The following STK3 variants were observed in gnomAD, a reference collection of about 807,000 sequenced individuals.
STK3 encodes the protein serine/threonine kinase 3.
In STK3, 41 loss-of-function variants were observed where a neutral mutation model predicts 58.0. That is an observed-to-expected ratio of 0.71 (90% confidence interval 0.55 to 0.92). The LOEUF is 0.92. Ranked by LOEUF, STK3 falls within the 40% of genes least tolerant of loss-of-function variation. The pLI is 0.00. For missense variants in STK3, 479 were observed against 602.7 expected, an observed-to-expected ratio of 0.79 and a Z score of 2.15; for synonymous variants, 170 against 191.0, an observed-to-expected ratio of 0.89 and a Z score of 0.91.
intron 7 of STK3, among the ~76,000 whole-genome samples, chr8:98,590,713 G>A (rs544416581): frequency 3.3e-5 from 5 of 152,304 alleles, no homozygotes; most frequent in African/African-American, 1.2e-4. Context: ...AGAAACATGA[G>A]TTGGATTTTA....
chr8:98,873,042 T>A (rs1837437778), intron 3 of STK3, among the ~76,000 whole-genome samples: 1 of 152,228 alleles, frequency 6.6e-6, no homozygotes, highest in Non-Finnish European at 1.5e-5. Flanking sequence ...TGTTGTGTCT[T>A]TGTTCTTGTT....
intron 10 of STK3, among the ~76,000 whole-genome samples, chr8:98,466,372 A>T (rs1178273277): frequency 6.6e-6 from 1 of 152,226 alleles, no homozygotes; most frequent in Non-Finnish European, 1.5e-5. Context: ...TGCAAAGTCA[A>T]ATTTCCTTGA....
At chr8:98,378,593 A>G (rs545714741) in intron 2 of STK3, among the ~76,000 whole-genome samples, 12 of 152,226 alleles carry the variant, frequency 7.9e-5, no homozygotes, top group Non-Finnish European at 1.3e-4. Context: ...CACTTAACAT[A>G]CTGCCTGATA....
chr8:98,461,990 G>T (rs552846500), intron 10 of STK3, among the ~76,000 whole-genome samples: 11 of 151,446 alleles, frequency 7.3e-5, no homozygotes, highest in Admixed American at 1.3e-4. Context: ...TGCATACCGG[G>T]TACCTGAAAT....
chr8:98,829,230 T>A (rs1360022877), upstream of STK3, among the ~76,000 whole-genome samples: 1 of 152,176 alleles, frequency 6.6e-6, no homozygotes, highest in Non-Finnish European at 1.5e-5. Context: ...TAATTATTCC[T>A]CCTTCCCCTT....
At chr8:98,563,946 C>G (rs1167056689) in intron 8 of STK3, among the ~76,000 whole-genome samples, 4 of 152,178 alleles carry the variant, frequency 2.6e-5, no homozygotes, top group East Asian at 3.9e-4. Context: ...AATAACCCCC[C>G]ACTTCTTAAA....
At chr8:98,538,580 GC>G (rs1350961034) in intron 9 of STK3, among the ~76,000 whole-genome samples, 3 of 152,124 alleles carry the variant, frequency 2.0e-5, no homozygotes, top group South Asian at 4.1e-4. Flanking sequence ...AAAAATTGAA[GC>G]CCAAAGATTT....
intron 6 of STK3, among the ~76,000 whole-genome samples, chr8:98,688,122 T>C (rs1440162203): frequency 6.6e-6 from 1 of 151,986 alleles, no homozygotes; most frequent in African/African-American, 2.4e-5. Flanking sequence ...GCAGAGGTCT[T>C]ATATTAGATA....
chr8:98,738,689 C>T (rs1249333065), intron 4 of STK3, among the ~76,000 whole-genome samples: 1 of 152,196 alleles, frequency 6.6e-6, no homozygotes, highest in Non-Finnish European at 1.5e-5. Flanking sequence ...TTCTGCATTT[C>T]CATCTGAGGT....
upstream of STK3, among the ~76,000 whole-genome samples, chr8:98,391,701 A>G (rs1364913170): frequency 6.6e-6 from 1 of 152,158 alleles, no homozygotes; most frequent in Non-Finnish European, 1.5e-5. Flanking sequence ...GTCCTTGCAT[A>G]GCATCTCGTG....
At chr8:98,584,556 C>G (rs1371469638) in intron 7 of STK3, among the ~76,000 whole-genome samples, 4 of 151,350 alleles carry the variant, frequency 2.6e-5, no homozygotes, top group Non-Finnish European at 5.9e-5. Context: ...CCGCAATAAA[C>G]ATACGTGTGC....
At chr8:98,893,438 G>C (rs1838287509) in intron 1 of STK3, among the ~76,000 whole-genome samples, 2 of 75,220 alleles carry the variant, frequency 2.7e-5, no homozygotes, top group Admixed American at 1.5e-4. Flanking sequence ...AAGAAAGAAA[G>C]AAAGAAAGAA....
chr8:98,648,779 C>A (rs775725097), intron 6 of STK3, among the ~76,000 whole-genome samples: 5 of 151,980 alleles, frequency 3.3e-5, no homozygotes, highest in African/African-American at 4.8e-5. Context: ...GTAGTCCCAG[C>A]TACTCGGGAG....
chr8:98,802,115 T>C (rs1029149819), intron 1 of STK3, among the ~76,000 whole-genome samples: 1 of 152,172 alleles, frequency 6.6e-6, no homozygotes, highest in Non-Finnish European at 1.5e-5. Context: ...GAGGTTATAG[T>C]GAGCTATGAC....
intron 6 of STK3, among the ~76,000 whole-genome samples, chr8:98,694,704 C>T (rs950470474): frequency 4.6e-5 from 7 of 152,148 alleles, no homozygotes; most frequent in East Asian, 3.8e-4. Flanking sequence ...GGCTGCATAT[C>T]ATTCCATGGT....
intron 1 of STK3, among the ~76,000 whole-genome samples, chr8:98,794,368 T>C (rs1587640667): frequency 6.6e-6 from 1 of 152,002 alleles, no homozygotes; most frequent in Non-Finnish European, 1.5e-5. Flanking sequence ...ATACAAAAGT[T>C]CCTTAGGGAC....
intron 3 of STK3, among the ~76,000 whole-genome samples, chr8:98,843,963 C>T (rs1836096159): frequency 6.6e-6 from 1 of 152,118 alleles, no homozygotes; most frequent in Non-Finnish European, 1.5e-5. Context: ...AGTTCAAGTC[C>T]AGCATAGCCA....
chr8:98,802,063 TGAG>T (rs1438898794), intron 1 of STK3, among the ~76,000 whole-genome samples: 1 of 152,134 alleles, frequency 6.6e-6, no homozygotes, highest in East Asian at 1.9e-4. Context: ...TCCTAGCTAT[TGAG>T]GAGGCTGAGG....
chr8:98,619,385 C>T (rs1383670943), intron 6 of STK3, among the ~76,000 whole-genome samples: 4 of 151,042 alleles, frequency 2.6e-5, no homozygotes, highest in Non-Finnish European at 5.9e-5. Context: ...TAGGCATTAC[C>T]ATTCAGGACA....
Sources: gnomAD v4.1 joint callset for allele counts (sites outside exome capture counted in the v4.1 genomes callset) on GRCh38, gnomAD v4.1.1 for gene constraint, MANE v1.5 for transcripts, NCBI Gene and HGNC (gene_info 2026-07-23, HGNC 2026-07-21) for gene names.